ITPR3: variants seen among roughly 807,000 people sequenced by gnomAD.
The protein encoded by ITPR3 is inositol 1,4,5-trisphosphate receptor type 3, also known as inositol 1,4,5-trisphosphate-gated calcium channel ITPR3.
In ITPR3, 173 loss-of-function variants were observed where a neutral mutation model predicts 293.2. The ratio of observed to expected loss-of-function variants is 0.59; its 90% CI spans 0.52 to 0.67. The LOEUF (loss-of-function observed/expected upper bound fraction) is 0.67, where lower values mean the gene tolerates loss of function less well. Among genes scored for constraint, ITPR3 ranks in the 30% least tolerant of loss-of-function variants. The pLI is 0.00. For missense variants in ITPR3, 2,796 were observed against 3,592.1 expected (o/e 0.78, Z 5.66); for synonymous variants, 1,295 against 1,444.4 (o/e 0.90, Z 2.35).
intron 1 of ITPR3, among the ~76,000 whole-genome samples, chr6:33,635,227 C>G (rs1763791888): frequency 6.6e-6 from 1 of 152,208 alleles, no homozygotes; most frequent in Non-Finnish European, 1.5e-5. Context: ...GCAGTGACCT[C>G]TCCCTTCCCT....
intron 18 of ITPR3, 102 bp downstream of exon 18, chr6:33,669,258 G>A (rs868732515): frequency 1.6e-6 from 2 of 1,226,186 alleles, no homozygotes; most frequent in South Asian, 1.5e-5. Context: ...ACAGCCTCAG[G>A]TGGGGCTCCT....
At chr6:33,694,873 C>A (rs749729472) in intron 56 of ITPR3, 51 bp from the exon 57 acceptor site, 6 of 1,610,726 alleles carry the variant, frequency 3.7e-6, no homozygotes, top group Middle Eastern at 1.7e-4. Context: ...CTAAATGAGG[C>A]CTTTCTAGGC....
chr6:33,679,497 G>A lies in ITPR3; in HGVS notation c.3973-385G>A, dbSNP rs904105252. 1.3e-5 allele frequency among the ~76,000 whole-genome samples: 2 copies of A among 152,206 alleles called. No individual in the cohort carries two copies. Among genetic ancestry groups the A allele is most frequent in the African/African-American group, 4.8e-5 (2 of 41,436 alleles). ...TTAATTTCTATTATTATATTACTGCGAATAATGCAGTCGCTGGCACGAGAG... is the reference window on the plus strand; with the variant it reads ...TTAATTTCTATTATTATATTACTGCAAATAATGCAGTCGCTGGCACGAGAG... On this transcript the variant is annotated intron_variant, in intron 30 of 57. Coordinates refer to ENST00000605930, the MANE Select transcript of ITPR3 (RefSeq NM_002224.4). This position sits in a 1 kb window ranked among gnomAD's most constrained non-coding sequence, Gnocchi z 4.2.
At chr6:33,671,446 C>T (rs1218264531) in intron 21 of ITPR3, 140 bp downstream of exon 21, 1 of 655,784 alleles carries the variant, frequency 1.5e-6, no homozygotes, top group Non-Finnish European at 2.6e-6. Flanking sequence ...ATATCTTGGG[C>T]CCAAGCCCCT....
intron 1 of ITPR3, among the ~76,000 whole-genome samples, chr6:33,635,864 G>C (rs1763809174): frequency 6.6e-6 from 1 of 151,956 alleles, no homozygotes; most frequent in African/African-American, 2.4e-5. Context: ...GGGAGGAGAT[G>C]CGATCAGAGA....
intron 7 of ITPR3, among the ~76,000 whole-genome samples, chr6:33,660,327 C>T (rs1764430432): frequency 6.6e-6 from 1 of 152,018 alleles, no homozygotes; most frequent in Non-Finnish European, 1.5e-5. Flanking sequence ...AGAGCAGCCA[C>T]CTAAGGAGTC....
At chr6:33,636,211 A>G (rs1182567282) in intron 1 of ITPR3, among the ~76,000 whole-genome samples, 3 of 151,256 alleles carry the variant, frequency 2.0e-5, no homozygotes, top group Non-Finnish European at 4.4e-5. Context: ...CTGAGGCAGG[A>G]GAATTGCTTG....
rs375612696 is a variant in ITPR3, at chr6:33,684,621, G to C, written c.5070G>C (p.Leu1690=). The C allele has an allele frequency of 5.6e-6, 9 of 1,614,124 alleles. No homozygotes were observed. The African/African-American group carries it at 1.2e-4, about 22-fold the overall frequency. The change falls in exon 38 of 58, where the codon CTG becomes CTC. Residue 1690 remains leucine (L), a synonymous_variant. Transcript: ENST00000605930. The surrounding 1 kb of genome is among the most constrained non-coding windows in gnomAD (Gnocchi z 4.2). ...GDRGNQLRKM[L]LQNYLQNRKS... ...AGGGCAACCAGCTGCGCAAGATGCTGCTGCAAAACTACCTCCAGAACCGGA... is the reference window on the plus strand; with the variant it reads ...AGGGCAACCAGCTGCGCAAGATGCTCCTGCAAAACTACCTCCAGAACCGGA...
intron 1 of ITPR3, among the ~76,000 whole-genome samples, chr6:33,629,874 C>A (rs998079235): frequency 6.6e-6 from 1 of 151,936 alleles, no homozygotes; most frequent in Non-Finnish European, 1.5e-5. Context: ...AGGCGGATCA[C>A]GAGGTCAAGA....
At chr6:33,653,597 CA>C (rs1392217163) in intron 2 of ITPR3, among the ~76,000 whole-genome samples, 1 of 152,054 alleles carries the variant, frequency 6.6e-6, no homozygotes, top group Admixed American at 6.5e-5. Context: ...TAAATCCATG[CA>C]AAAAAATTTG....
chr6:33,652,989 C>G (rs138595049), intron 2 of ITPR3, among the ~76,000 whole-genome samples: 4 of 152,176 alleles, frequency 2.6e-5, no homozygotes, highest in African/African-American at 9.7e-5. Context: ...CTCACTGCAG[C>G]CTTGACTTCC....
chr6:33,686,919 G>A (rs1765247141), intron 43 of ITPR3, 90 bp from the exon 44 acceptor site: 2 of 1,016,020 alleles, frequency 2.0e-6, no homozygotes, highest in Non-Finnish European at 3.0e-6. Flanking sequence ...TGTTGGATGG[G>A]AGAGCTGTTA....
rs1764805636 is a variant in ITPR3 at position 33,672,877 on chromosome 6, TCCCCAGCCACA to T, written c.2928+656_2928+666del. The stretch of plus-strand genomic sequence containing the variant: ...TCCCTGTTGTGGTCTCATCTGAGAC[TCCCCAGCCACA>T]CCCCAGGAAGGGGCTCATCCCCGAG... On this transcript the variant is annotated intron_variant, in intron 22 of 57. Transcript: ENST00000605930. This position sits in a 1 kb window ranked among gnomAD's most constrained non-coding sequence, Gnocchi z 5.0. Among the ~76,000 whole-genome samples, 1 of 152,130 alleles carries T rather than the reference TCCCCAGCCACA, an allele frequency of 6.6e-6. No homozygotes were observed. Among genetic ancestry groups the T allele is most frequent in the South Asian group, 2.1e-4 (1 of 4,826 alleles).
Position 33,695,900 on chromosome 6 carries a change from C to A in ITPR3, c.*120C>A, listed in dbSNP as rs1196623104. On this transcript the variant is annotated 3_prime_UTR_variant, in exon 58 of 58. Coordinates refer to ENST00000605930, the MANE Select transcript of ITPR3 (RefSeq NM_002224.4). ...CAGCTGGCCAGCCTCCACTCCCACT[C>A]TGCCAGACACCCTGACACCCACCCA... The A allele has an allele frequency of 2.6e-5, 23 of 883,104 alleles. No homozygotes were observed. In the South Asian group the frequency reaches 3.4e-4, roughly 13 times the overall value. The allele number at this position is 883,104 out of a possible 1,614,324, so 54.7% of individuals were successfully genotyped here.
At chr6:33,693,738 C>T (rs764915058) in intron 56 of ITPR3, 33 bp downstream of exon 56, 1 of 1,608,946 alleles carries the variant, frequency 6.2e-7, no homozygotes, top group Non-Finnish European at 8.5e-7. Flanking sequence ...GCCTGTGGGC[C>T]CAAACCAGCC....
intron 1 of ITPR3, among the ~76,000 whole-genome samples, chr6:33,623,093 C>A (rs1763475129): frequency 6.6e-6 from 1 of 152,082 alleles, no homozygotes; most frequent in Non-Finnish European, 1.5e-5. Context: ...GTGACTAGGC[C>A]CTGGCTGCCC....
Position 33,663,741 on chromosome 6 carries a change from G to C in ITPR3, c.1009G>C (p.Ala337Pro), listed in dbSNP as rs1764537019. The change falls in exon 11 of 58, where the codon GCA (alanine) becomes CCA (proline). Residue 337 changes from alanine to proline, a missense_variant. This residue lies in a region of ITPR3 where 955 missense variants were observed against 1,180.8 expected (regional missense o/e 0.81). Transcript: ENST00000605930. The stretch of plus-strand genomic sequence containing the variant: ...CTGATTTGGGGTCCTCATCCAGGGG[G>C]CACAGGGCCGCACAGGCCGCAGGAA... ...ASDPKAAGMG[A>P]QGRTGRRNAG... is the part of the protein sequence containing the mutation. 2.5e-6 allele frequency: 4 copies of C among 1,613,638 alleles called. No individual in the cohort carries two copies. The highest frequency in any genetic ancestry group is 3.4e-6 in the Non-Finnish European group (4 of 1,179,978).
intron 2 of ITPR3, among the ~76,000 whole-genome samples, chr6:33,646,215 G>T (rs1276771638): frequency 6.6e-6 from 1 of 151,902 alleles, no homozygotes; most frequent in Non-Finnish European, 1.5e-5. Flanking sequence ...ACTCTACCCT[G>T]GTCCTCCACT....
intron 1 of ITPR3, among the ~76,000 whole-genome samples, chr6:33,626,253 C>G (rs1040237329): frequency 1.3e-5 from 2 of 152,058 alleles, no homozygotes; most frequent in African/African-American, 4.8e-5. Context: ...ATGCTTTGAA[C>G]AAGGCCCTGC....
Sources: allele counts gnomAD v4.1 joint callset (sites outside exome capture counted in the v4.1 genomes callset), GRCh38; gene constraint gnomAD v4.1.1; regional missense constraint gnomAD v4.1.1; non-coding constraint Gnocchi (gnomAD v3.1); transcripts MANE v1.5; gene names NCBI Gene and HGNC (gene_info 2026-07-23, HGNC 2026-07-21).